The following RORA variants were observed in gnomAD, a reference collection of about 807,000 sequenced individuals.
RORA encodes the protein nuclear receptor ROR-alpha.
Under a neutral mutation model 69.5 loss-of-function variants are expected in RORA, and 7 were observed. The ratio of observed to expected loss-of-function variants is 0.10; its 90% CI spans 0.06 to 0.19. RORA has a LOEUF of 0.19. Among genes scored for constraint, RORA ranks in the 10% least tolerant of loss-of-function variants. RORA has a pLI of 1.00. For missense variants in RORA, 457 were observed against 663.0 expected (o/e 0.69, Z 3.41); for synonymous variants, 261 against 240.8 (o/e 1.08, Z -0.78).
At chr15:60,737,999 T>C (rs545130940) in intron 1 of RORA, among the ~76,000 whole-genome samples, 2 of 152,228 alleles carry the variant, frequency 1.3e-5, no homozygotes, top group Non-Finnish European at 2.9e-5. Flanking sequence ...GATTGGGTCA[T>C]AAATAAGTAA....
At chr15:60,753,182 G>C (rs1286861187) in intron 1 of RORA, among the ~76,000 whole-genome samples, 4 of 152,174 alleles carry the variant, frequency 2.6e-5, no homozygotes, top group African/African-American at 9.7e-5. Flanking sequence ...GCGTAGAAAA[G>C]GGACCCCTTT....
intron 1 of RORA, among the ~76,000 whole-genome samples, chr15:61,164,573 G>T (rs1287714190): frequency 6.6e-6 from 1 of 152,154 alleles, no homozygotes; most frequent in Non-Finnish European, 1.5e-5. Context: ...CTTTGTTCCT[G>T]TTGGGTAGAT....
intron 1 of RORA, among the ~76,000 whole-genome samples, chr15:60,918,269 C>T (rs892228226): frequency 3.9e-5 from 6 of 152,232 alleles, no homozygotes; most frequent in African/African-American, 1.4e-4. Context: ...CAGGCAGTAT[C>T]AATGCCTTCA....
At chr15:60,626,132 C>T (rs187361570) in intron 2 of RORA, among the ~76,000 whole-genome samples, 1 of 152,314 alleles carries the variant, frequency 6.6e-6, no homozygotes, top group East Asian at 1.9e-4. Context: ...CCTCTAACTT[C>T]TCTAGTTCCC....
intron 1 of RORA, among the ~76,000 whole-genome samples, chr15:60,942,973 T>A (rs1441546158): frequency 6.6e-6 from 1 of 152,256 alleles, no homozygotes; most frequent in Non-Finnish European, 1.5e-5. Context: ...TAGATTTTCT[T>A]TTCTGCCTTC....
At chr15:60,859,930 A>G (rs534737882) in intron 1 of RORA, among the ~76,000 whole-genome samples, 33 of 152,162 alleles carry the variant, frequency 2.2e-4, no homozygotes, top group African/African-American at 7.9e-4. Context: ...TCCCTGACAT[A>G]AACTCCTTGA....
chr15:60,735,916 A>T (rs1380931589), intron 1 of RORA, among the ~76,000 whole-genome samples: 5 of 152,242 alleles, frequency 3.3e-5, no homozygotes, highest in African/African-American at 9.6e-5. Flanking sequence ...TTGACTGGCC[A>T]AGCCCAATTT....
intron 1 of RORA, among the ~76,000 whole-genome samples, chr15:60,776,332 G>C (rs1048879829): frequency 1.3e-5 from 2 of 152,214 alleles, no homozygotes; most frequent in Non-Finnish European, 2.9e-5. Flanking sequence ...TAGTTTGTCA[G>C]ATGGCTAGGT....
intron 1 of RORA, among the ~76,000 whole-genome samples, chr15:61,197,953 TGG>T (rs2079860326): frequency 3.3e-5 from 5 of 152,000 alleles, no homozygotes; most frequent in African/African-American, 1.2e-4. Context: ...TTGTTTTGTG[TGG>T]TATCAGGGAC....
At chr15:61,013,673 C>T (rs972671740) in intron 1 of RORA, among the ~76,000 whole-genome samples, 5 of 151,740 alleles carry the variant, frequency 3.3e-5, no homozygotes, top group Non-Finnish European at 7.4e-5. Context: ...TCCAGTTTCT[C>T]CTATTCATTT....
At chr15:60,732,490 T>C (rs1471421172) in intron 1 of RORA, among the ~76,000 whole-genome samples, 1 of 152,174 alleles carries the variant, frequency 6.6e-6, no homozygotes, top group African/African-American at 2.4e-5. Context: ...GGAGGCTTAC[T>C]TGGAGTTTCA....
At chr15:60,803,202 C>G (rs1282744307) in intron 1 of RORA, among the ~76,000 whole-genome samples, 1 of 152,198 alleles carries the variant, frequency 6.6e-6, no homozygotes, top group Non-Finnish European at 1.5e-5. Flanking sequence ...CAGGTGTGCA[C>G]TAATTTATGC....
chr15:60,615,045 A>ACAGCGTC (rs2069197071), intron 2 of RORA: 1 of 1,608,412 alleles, frequency 6.2e-7, no homozygotes, highest in Non-Finnish European at 8.5e-7. Flanking sequence ...GGAAAACAGA[A>ACAGCGTC]CAGCGTCAAC....
intron 1 of RORA, among the ~76,000 whole-genome samples, chr15:61,121,096 C>T (rs975259708): frequency 1.1e-4 from 17 of 151,632 alleles, no homozygotes; most frequent in African/African-American, 3.9e-4. Flanking sequence ...GTGAACCACC[C>T]GCCTCAGCCT....
At chr15:61,162,653 T>C (rs1000542722) in intron 1 of RORA, among the ~76,000 whole-genome samples, 1 of 152,166 alleles carries the variant, frequency 6.6e-6, no homozygotes, top group Non-Finnish European at 1.5e-5. Context: ...TTACTACGGC[T>C]AAAGAAACCA....
chr15:60,594,956 C>T (rs1351708723), intron 2 of RORA, among the ~76,000 whole-genome samples: 1 of 152,068 alleles, frequency 6.6e-6, no homozygotes, highest in Non-Finnish European at 1.5e-5. Context: ...TATTAAATGT[C>T]TTCAGCTTTT....
Position 60,494,030 on chromosome 15 carries a change from A to AGAT in RORA, c.*3422_*3424dup, listed in dbSNP as rs1180307455. On this transcript the variant is annotated 3_prime_UTR_variant, in exon 11 of 11. Transcript: ENST00000335670. ...CCTCAGCCCACCCCCATACGCTCAC[A>AGAT]GATAACTGGGTATCCACACTATAAA... is the stretch of plus-strand genomic sequence containing the variant. 1.3e-5 allele frequency: 2 copies of AGAT among 152,102 alleles called. No homozygotes were observed. The highest frequency in any genetic ancestry group is 4.8e-5 in the African/African-American group (2 of 41,276). The allele number at this position is 152,102 out of a possible 1,614,324, so 9.4% of individuals were successfully genotyped here. A position where few individuals can be genotyped will look rare whatever the true frequency, so the allele number is the denominator to read the frequency against.
At chr15:61,166,407 G>A (rs549239923) in intron 1 of RORA, among the ~76,000 whole-genome samples, 45 of 152,142 alleles carry the variant, frequency 3.0e-4, no homozygotes, top group Admixed American at 7.2e-4. Flanking sequence ...GACAGCAATA[G>A]GAATAAAAAC....
chr15:60,979,263 C>G (rs1461503560), intron 1 of RORA, among the ~76,000 whole-genome samples: 1 of 101,418 alleles, frequency 9.9e-6, no homozygotes, highest in Non-Finnish European at 1.9e-5. Flanking sequence ...CGCACCTAGC[C>G]CTTGCTTTTT....
Sources: gnomAD v4.1 joint callset for allele counts (sites outside exome capture counted in the v4.1 genomes callset) on GRCh38, gnomAD v4.1.1 for gene constraint, MANE v1.5 for transcripts, NCBI Gene and HGNC (gene_info 2026-07-23, HGNC 2026-07-21) for gene names.